Variants in BICC1 observed in about 807,000 individuals in gnomAD.
BICC1 encodes BicC family RNA binding protein 1.
BICC1 carries 43 observed loss-of-function variants against 111.0 expected under a neutral mutation model. That is an observed-to-expected ratio of 0.39 (90% CI 0.30 to 0.50). The LOEUF is 0.50. Among genes scored for constraint, BICC1 ranks in the 20% least tolerant of loss-of-function variants. The probability of loss-of-function intolerance (pLI) is 0.88; values close to 1 mark genes in which losing one functional copy is unlikely to be tolerated. For synonymous variants in BICC1, 467 were observed against 434.4 expected (o/e 1.07, Z -0.93); for missense variants, 1,091 against 1,203.2 (o/e 0.91, Z 1.38).
intron 1 of BICC1, among the ~76,000 whole-genome samples, chr10:58,618,567 A>G (rs1456038597): frequency 6.6e-6 from 1 of 152,090 alleles, no homozygotes; most frequent in Non-Finnish European, 1.5e-5. Flanking sequence ...ACTCCCCATG[A>G]TTCCTCGAGT....
chr10:58,741,359 A>T (rs961971994), intron 3 of BICC1, among the ~76,000 whole-genome samples: 1 of 152,208 alleles, frequency 6.6e-6, no homozygotes, highest in South Asian at 2.1e-4. Context: ...CCCATGAAAG[A>T]AGTTAGTATT....
chr10:58,767,391 A>C (rs534442871), intron 3 of BICC1, among the ~76,000 whole-genome samples: 3 of 152,310 alleles, frequency 2.0e-5, no homozygotes, highest in Admixed American at 2.0e-4. Context: ...GAAAATATCG[A>C]GAGTGCCTCA....
chr10:58,562,199 C>A (rs1455056360), intron 1 of BICC1, among the ~76,000 whole-genome samples: 1 of 152,100 alleles, frequency 6.6e-6, no homozygotes, highest in African/African-American at 2.4e-5. Flanking sequence ...ATTTTCAATA[C>A]CTTTTTCCAT....
chr10:58,803,000 T>G, intron 14 of BICC1, 77 bp from the exon 15 acceptor site: 1 of 1,344,870 alleles, frequency 7.4e-7, no homozygotes, highest in Non-Finnish European at 9.9e-7. Context: ...ACATGCATAG[T>G]AAATGTGGCA....
intron 3 of BICC1, among the ~76,000 whole-genome samples, chr10:58,739,640 A>G (rs1426076294): frequency 6.6e-6 from 1 of 152,160 alleles, no homozygotes; most frequent in African/African-American, 2.4e-5. Flanking sequence ...GCTATTATAG[A>G]TAAATTTTAA....
chr10:58,699,906 G>A (rs531195476), intron 2 of BICC1, among the ~76,000 whole-genome samples: 2 of 152,148 alleles, frequency 1.3e-5, no homozygotes, highest in East Asian at 3.9e-4. Context: ...TGTCCAGGCT[G>A]GTCACAAACT....
At chr10:58,759,175 G>C (rs1250596751) in intron 3 of BICC1, among the ~76,000 whole-genome samples, 1 of 151,896 alleles carries the variant, frequency 6.6e-6, no homozygotes, top group African/African-American at 2.4e-5. Flanking sequence ...GGCCAGGCTG[G>C]TCTCGAACTC....
At chr10:58,645,436 G>C (rs1291923632) in intron 2 of BICC1, among the ~76,000 whole-genome samples, 1 of 139,794 alleles carries the variant, frequency 7.2e-6, no homozygotes, top group Non-Finnish European at 1.5e-5. Flanking sequence ...AAAAAAAAAA[G>C]AGGGAAAAGG....
At chr10:58,707,997 A>AG (rs1681746932) in intron 3 of BICC1, among the ~76,000 whole-genome samples, 1 of 71,480 alleles carries the variant, frequency 1.4e-5, no homozygotes, top group Admixed American at 2.0e-4. Context: ...GCGCCTAGCC[A>AG]GCTAATTTTT....
chr10:58,678,163 G>A (rs181643881), intron 2 of BICC1, among the ~76,000 whole-genome samples: 237 of 151,252 alleles, frequency 1.6e-3, no homozygotes, highest in Non-Finnish European at 2.3e-3. Context: ...GCAAAATAGC[G>A]TCATAATGAC....
intron 8 of BICC1, among the ~76,000 whole-genome samples, chr10:58,791,961 T>G (rs1005443176): frequency 1.3e-5 from 2 of 152,072 alleles, no homozygotes; most frequent in African/African-American, 4.8e-5. Context: ...CTGGCTAATT[T>G]TTTTAGTTTT....
chr10:58,738,044 T>C (rs1168825080), intron 3 of BICC1, among the ~76,000 whole-genome samples: 1 of 152,196 alleles, frequency 6.6e-6, no homozygotes, highest in Non-Finnish European at 1.5e-5. Context: ...AGGTTGCCTG[T>C]TCACTCTGAT....
At chr10:58,725,855 G>T (rs1349726020) in intron 3 of BICC1, among the ~76,000 whole-genome samples, 1 of 152,182 alleles carries the variant, frequency 6.6e-6, no homozygotes, top group Non-Finnish European at 1.5e-5. Flanking sequence ...TTTTTATGAT[G>T]AAGTAAGTTC....
intron 1 of BICC1, among the ~76,000 whole-genome samples, chr10:58,597,653 G>A (rs1836004269): frequency 6.6e-6 from 1 of 151,972 alleles, no homozygotes; most frequent in African/African-American, 2.4e-5. Flanking sequence ...AACCACATAA[G>A]ACAGACATTC....
intron 3 of BICC1, among the ~76,000 whole-genome samples, chr10:58,709,030 C>G: frequency 6.6e-6 from 1 of 152,150 alleles, no homozygotes; most frequent in East Asian, 1.9e-4. Flanking sequence ...ATATCCATCA[C>G]CTCCAGCATT....
chr10:58,643,191 C>T (rs1178057915), intron 2 of BICC1, among the ~76,000 whole-genome samples: 1 of 152,166 alleles, frequency 6.6e-6, no homozygotes, highest in African/African-American at 2.4e-5. Flanking sequence ...GCTGGCTAGT[C>T]CTCTGAAGGC....
At chr10:58,758,608 C>T (rs1041204243) in intron 3 of BICC1, among the ~76,000 whole-genome samples, 2 of 152,182 alleles carry the variant, frequency 1.3e-5, no homozygotes, top group African/African-American at 4.8e-5. Flanking sequence ...GATAGTAATT[C>T]TATTTCAACC....
intron 2 of BICC1, among the ~76,000 whole-genome samples, chr10:58,644,706 G>A (rs1251158238): frequency 6.6e-6 from 1 of 151,876 alleles, no homozygotes; most frequent in Non-Finnish European, 1.5e-5. Context: ...AATTTAATTT[G>A]GCCAACGTTG....
chr10:58,696,746 C>T (rs917304361), intron 2 of BICC1, among the ~76,000 whole-genome samples: 10 of 152,124 alleles, frequency 6.6e-5, no homozygotes, highest in African/African-American at 2.4e-4. Context: ...ATACAGCATC[C>T]AGAATTATGA....
Sources: gnomAD v4.1 joint callset for allele counts (sites outside exome capture counted in the v4.1 genomes callset) on GRCh38, gnomAD v4.1.1 for gene constraint, MANE v1.5 for transcripts, NCBI Gene and HGNC (gene_info 2026-07-23, HGNC 2026-07-21) for gene names.